Variants in SI observed in about 807,000 individuals in gnomAD.
SI encodes the protein sucrase-isomaltase, intestinal.
A neutral mutation model predicts 253.3 loss-of-function variants in SI; 235 were observed. The ratio of observed to expected loss-of-function variants is 0.93; its 90% CI spans 0.83 to 1.03. SI has a LOEUF of 1.03. SI is among the 50% of genes least tolerant of loss of function. The probability of loss-of-function intolerance (pLI) is 0.00; values close to 1 mark genes in which losing one functional copy is unlikely to be tolerated. For synonymous variants in SI, 819 were observed against 712.0 expected (o/e 1.15, Z -2.39); for missense variants, 2,442 against 2,211.1 (o/e 1.10, Z -2.09).
At chr3:165,082,109 A>T (rs185228683), upstream of SI, among the ~76,000 whole-genome samples, 1 of 151,926 alleles carries the variant, frequency 6.6e-6, no homozygotes, top group Non-Finnish European at 1.5e-5. Flanking sequence ...AAATTTCCAG[A>T]TATCTTCAAC....
chr3:165,033,376 G>A lies in SI; in HGVS notation c.2565+19C>T. 1 of 1,553,250 alleles carries A rather than the reference G, an allele frequency of 6.4e-7. No homozygotes were observed. Among genetic ancestry groups the A allele is most frequent in the Non-Finnish European group, 8.7e-7 (1 of 1,146,156 alleles). The stretch of plus-strand genomic sequence containing the variant: ...GAACAAATTATGCATTTAAGTATAT[G>A]TACAAAGAGAGTGCTTACATTAGAA... On this transcript the variant is annotated intron_variant, in intron 23 of 47. Transcript: ENST00000264382.
At chr3:165,018,150 C>A in intron 28 of SI, 84 bp from the exon 29 acceptor site, 2 of 826,554 alleles carry the variant, frequency 2.4e-6, no homozygotes, top group Non-Finnish European at 4.1e-6. Context: ...ATTTATTATA[C>A]AATCGAGACT....
intron 28 of SI, 124 bp downstream of exon 28, chr3:165,019,475 CTCT>C: frequency 1.1e-6 from 1 of 874,936 alleles, no homozygotes; most frequent in Non-Finnish European, 1.9e-6. Context: ...GCTATAGCTG[CTCT>C]GGAGATCTCT....
In SI at chr3:165,067,491, T is replaced by A. The variant is rs757316303; in HGVS notation, c.484A>T (p.Ile162Phe). Reference protein sequence around the residue: ...NQTPNRFRFKITDPNNRRYEV... With the variant: ...NQTPNRFRFKFTDPNNRRYEV... ...TATCTTCTATTATTTGGATCAGTAATCTGGAAAGATTTAAGCAAGGTAGCA... is the reference window on the plus strand; with the variant it reads ...TATCTTCTATTATTTGGATCAGTAAACTGGAAAGATTTAAGCAAGGTAGCA... Residue 162 changes from isoleucine (I) to phenylalanine (F), a missense_variant and splice_region_variant, in exon 6 of 48, where the codon ATT (isoleucine) becomes TTT (phenylalanine). Physicochemically the swap from Ile to Phe is conservative, Grantham distance 21 (BLOSUM62 0). Transcript: ENST00000264382. The A allele has an allele frequency of 6.2e-7, 1 of 1,607,452 alleles. No individual in the cohort carries two copies. Among genetic ancestry groups the A allele is most frequent in the Non-Finnish European group, 8.5e-7 (1 of 1,174,386 alleles).
At chr3:165,017,475 A>G in intron 31 of SI, 73 bp downstream of exon 31, 2 of 1,440,090 alleles carry the variant, frequency 1.4e-6, no homozygotes, top group Non-Finnish European at 9.7e-7. Context: ...AAATTAAAGT[A>G]TACATGTTTA....
Position 165,067,294 on chromosome 3 carries a change from TATA to T in SI, c.635+43_635+45del, listed in dbSNP as rs772670892. 2.2e-6 allele frequency: 3 copies of T among 1,354,906 alleles called. No homozygotes were observed. The East Asian group carries it at 7.6e-5, about 34-fold the overall frequency. 83.9% of individuals were successfully genotyped at this position (1,354,906 alleles called of 1,614,324 possible). ...TCTTGAAATTAAGACTTTCCAATTC[TATA>T]ATAATAGAATAAACTTATATAATTG... is the stretch of plus-strand genomic sequence containing the variant. On this transcript the variant is annotated intron_variant, in intron 6 of 47. Coordinates refer to ENST00000264382, the MANE Select transcript of SI (RefSeq NM_001041.4).
intron 12 of SI, among the ~76,000 whole-genome samples, chr3:165,057,733 A>G (rs560597606): frequency 1.3e-4 from 20 of 152,040 alleles, no homozygotes; most frequent in African/African-American, 4.8e-4. Flanking sequence ...ATCTTAGTAG[A>G]CTACATCCAG....
the SI span, among the ~76,000 whole-genome samples, chr3:165,084,871 T>A: frequency 2.0e-5 from 3 of 152,148 alleles, no homozygotes; most frequent in Non-Finnish European, 2.9e-5. Context: ...GTTTCACAAA[T>A]AACAGTAAAC....
intron 13 of SI, among the ~76,000 whole-genome samples, chr3:165,053,197 T>G (rs964643219): frequency 6.6e-6 from 1 of 151,996 alleles, no homozygotes; most frequent in East Asian, 1.9e-4. Context: ...GAATTCAAAT[T>G]TATTATATTT....
Position 165,022,511 on chromosome 3 carries a change from C to A in SI, c.3099+1059G>T, listed in dbSNP as rs1470571518. Among the ~76,000 whole-genome samples the A allele has an allele frequency of 5.4e-5, 8 of 148,442 alleles. No homozygotes were observed. The East Asian group carries it at 1.4e-3, about 26-fold the overall frequency. ...TTGTGAACCTTTCTTCACACACACA[C>A]ATCTTCTATGCTTTTGTGCCATCTC... On this transcript the variant is annotated intron_variant, in intron 26 of 47. Coordinates refer to ENST00000264382, the MANE Select transcript of SI (RefSeq NM_001041.4).
rs1241965679 is a variant in SI at position 164,989,723 on chromosome 3, G to A, written c.5108+1630C>T. 2.0e-5 allele frequency among the ~76,000 whole-genome samples: 3 copies of A among 152,038 alleles called. No homozygotes were observed. The East Asian group carries it at 5.8e-4, about 30-fold the overall frequency. On this transcript the variant is annotated intron_variant, in intron 44 of 47. Coordinates refer to ENST00000264382, the MANE Select transcript of SI (RefSeq NM_001041.4). ...AATACTGACTTAAAGCTTATAAAAA[G>A]CTTCATCAAATGGAATATTATTCAG... is the stretch of plus-strand genomic sequence containing the variant.
At chr3:165,042,677 A>C (rs2108221916) in intron 17 of SI, among the ~76,000 whole-genome samples, 1 of 152,248 alleles carries the variant, frequency 6.6e-6, no homozygotes, top group Admixed American at 6.6e-5. Flanking sequence ...CTCAAAATCC[A>C]TGACAGTATA....
At chr3:165,082,945 T>C (rs114442692), upstream of SI, among the ~76,000 whole-genome samples, 1,172 of 152,036 alleles carry the variant, frequency 7.7e-3, 14 homozygotes, top group African/African-American at 0.027. Flanking sequence ...AGGCTAGCTT[T>C]GAATTGAATA....
chr3:165,089,778 C>T, the SI span, among the ~76,000 whole-genome samples: 7 of 151,966 alleles, frequency 4.6e-5, no homozygotes, highest in African/African-American at 7.2e-5. Flanking sequence ...TTACTCTCTG[C>T]TTGAGTTCCT....
At chr3:165,088,125 C>G in the SI span, among the ~76,000 whole-genome samples, 1 of 152,080 alleles carries the variant, frequency 6.6e-6, no homozygotes, top group Non-Finnish European at 1.5e-5. Flanking sequence ...GAAGGTGGAT[C>G]ACCTGAGGTC....
Position 165,039,101 on chromosome 3 carries a change from C to A in SI, c.2278G>T (p.Ala760Ser). The change falls in exon 20 of 48, where the codon GCT (alanine) becomes TCT (serine). Residue 760 changes from alanine (A) to serine (S), a missense_variant. Coordinates refer to ENST00000264382, the MANE Select transcript of SI (RefSeq NM_001041.4). Reference protein sequence around the residue: ...ADTVSAYIPDAIWYDYESGAK... With the variant: ...ADTVSAYIPDSIWYDYESGAK... ...ACAGATTCATAATCATACCAAATAG[C>A]ATCAGGGATGTAGGCACTCACAGTA... The A allele has an allele frequency of 6.3e-7, 1 of 1,594,340 alleles. No individual in the cohort carries two copies. The highest frequency in any genetic ancestry group is 8.6e-7 in the Non-Finnish European group (1 of 1,163,698).
chr3:165,077,808 A>G (rs1425858519), intron 1 of SI, among the ~76,000 whole-genome samples: 1 of 151,654 alleles, frequency 6.6e-6, no homozygotes, highest in Non-Finnish European at 1.5e-5. Flanking sequence ...TTGTCATGAA[A>G]CAAACTCTCC....
At position 165,076,257 on chromosome 3, in the gene SI, AT is replaced by A. The variant is rs541840633; in HGVS notation, c.1-246del. Among the ~76,000 whole-genome samples, 7 of 151,946 alleles carry A rather than the reference AT, an allele frequency of 4.6e-5. No individual in the cohort carries two copies. The South Asian group carries it at 1.4e-3, about 31-fold the overall frequency. On this transcript the variant is annotated intron_variant, in intron 1 of 47. Transcript: ENST00000264382. The stretch of plus-strand genomic sequence containing the variant: ...ATGCAATTTAAAGTAAAAGGAATGA[AT>A]TACTGATGCACATTACAGTAGTAGT...
At chr3:165,021,709 CAG>C (rs1454947945) in intron 26 of SI, among the ~76,000 whole-genome samples, 1 of 151,570 alleles carries the variant, frequency 6.6e-6, no homozygotes, top group African/African-American at 2.4e-5. Flanking sequence ...TGGTTAAAAA[CAG>C]AAGTTGTTTC....
Sources: gnomAD v4.1 joint callset for allele counts (sites outside exome capture counted in the v4.1 genomes callset) on GRCh38, gnomAD v4.1.1 for gene constraint, MANE v1.5 for transcripts, NCBI Gene and HGNC (gene_info 2026-07-23, HGNC 2026-07-21) for gene names.